BMX: variants seen among roughly 807,000 people sequenced by gnomAD.
BMX encodes the protein cytoplasmic tyrosine-protein kinase BMX.
In BMX, 31 loss-of-function variants were observed where a neutral mutation model predicts 59.2. The observed-to-expected ratio is 0.52, with a 90% CI of 0.39 to 0.71. BMX has a LOEUF of 0.71. Ranked by LOEUF, BMX falls within the 30% of genes least tolerant of loss-of-function variation. The pLI is 0.00. For missense variants in BMX, 474 were observed against 491.7 expected, an observed-to-expected ratio of 0.96 and a Z score of 0.34; for synonymous variants, 185 against 181.0, an observed-to-expected ratio of 1.02 and a Z score of -0.18.
intron 7 of BMX, among the ~76,000 whole-genome samples, chrX:15,524,733 C>G (rs775492861): frequency 9.0e-6 from 1 of 111,598 alleles, no homozygotes; most frequent in South Asian, 3.8e-4. Context: ...GAAATAGGTT[C>G]CACATTCCAG....
At chrX:15,507,152 C>T (rs1309422701) in intron 1 of BMX, among the ~76,000 whole-genome samples, 4 of 113,020 alleles carry the variant, frequency 3.5e-5, no homozygotes, top group African/African-American at 1.3e-4. Flanking sequence ...ATCATACTCC[C>T]AGGCCAGTGA....
At chrX:15,504,391 A>C (rs968019805) in intron 1 of BMX, among the ~76,000 whole-genome samples, 10 of 111,850 alleles carry the variant, frequency 8.9e-5, no homozygotes, top group Non-Finnish European at 1.7e-4. Flanking sequence ...CACAGTTTAC[A>C]AATGACAGTT....
chrX:15,504,797 AT>A (rs906941459), intron 1 of BMX, among the ~76,000 whole-genome samples: 5 of 111,760 alleles, frequency 4.5e-5, no homozygotes, highest in Non-Finnish European at 9.4e-5. Context: ...TTCTAGTTTC[AT>A]CTGTTTATGG....
intron 14 of BMX, among the ~76,000 whole-genome samples, chrX:15,538,201 TTC>T (rs972950205): frequency 6.6e-5 from 7 of 105,564 alleles, no homozygotes; most frequent in Non-Finnish European, 1.2e-4. Flanking sequence ...CTCTCTCTCC[TTC>T]TCTCTCTCTC....
chrX:15,509,229 C>A (rs1343154771), intron 2 of BMX, 100 bp from the exon 3 acceptor site: 3 of 87,228 alleles, frequency 3.4e-5, no homozygotes, highest in Non-Finnish European at 6.9e-5. Flanking sequence ...GCCCACCCCC[C>A]ACCCCAATCT....
Position 15,522,708 on chromosome X carries a change from A to T in BMX, c.752+121A>T, listed in dbSNP as rs776515540. 189 of 1,025,657 alleles carry T rather than the reference A, an allele frequency of 1.8e-4. No individual in the cohort carries two copies. The African/African-American group carries it at 3.3e-3, about 18-fold the overall frequency. 84.5% of individuals were successfully genotyped at this position (1,025,657 alleles called of 1,213,427 possible). On this transcript the variant is annotated intron_variant, in intron 7 of 18. Transcript: ENST00000348343. ...TAGGCTGTCCTCTCAGAAAATGTTC[A>T]GTGCTTGAGCCAGAAGTCTGGGGAA...
chrX:15,546,636 A>C (rs780025428), intron 16 of BMX, among the ~76,000 whole-genome samples, 167 bp from the exon 17 acceptor site: 1 of 111,620 alleles, frequency 9.0e-6, no homozygotes, highest in Non-Finnish European at 1.9e-5. Context: ...ATTATCTTTT[A>C]AATGCTTACA....
chrX:15,536,223 C>T (rs1925333653), intron 12 of BMX, 130 bp from the exon 13 acceptor site: 1 of 579,741 alleles, frequency 1.7e-6, no homozygotes, highest in Non-Finnish European at 2.7e-6. Flanking sequence ...GATTCTCTCT[C>T]TGCATTACAA....
At chrX:15,506,547 C>T (rs1923749785) in intron 1 of BMX, among the ~76,000 whole-genome samples, 1 of 112,178 alleles carries the variant, frequency 8.9e-6, no homozygotes, top group Non-Finnish European at 1.9e-5. Context: ...CCAAAGGAGG[C>T]TTTCACTCAA....
At chrX:15,543,484 G>A (rs1925797422) in intron 16 of BMX, among the ~76,000 whole-genome samples, 1 of 111,076 alleles carries the variant, frequency 9.0e-6, no homozygotes, top group Non-Finnish European at 1.9e-5. Context: ...TACATGTGAT[G>A]TTTTGATACA....
intron 5 of BMX, 109 bp downstream of exon 5, chrX:15,516,340 G>T (rs1457354834): frequency 2.0e-6 from 2 of 1,021,554 alleles, no homozygotes; most frequent in Non-Finnish European, 1.3e-6. Context: ...GTGCCAGATT[G>T]GTTGGCATCA....
intron 1 of BMX, 45 bp downstream of exon 1, chrX:15,500,985 G>T: frequency 1.3e-6 from 1 of 752,608 alleles, no homozygotes; most frequent in Non-Finnish European, 1.6e-6. Flanking sequence ...CATACTATGC[G>T]GAAAATAGGT....
At chrX:15,546,766 C>G in intron 16 of BMX, 37 bp from the exon 17 acceptor site, 2 of 1,121,521 alleles carry the variant, frequency 1.8e-6, no homozygotes, top group South Asian at 3.8e-5. Flanking sequence ...TGTACCACCA[C>G]GGCTTAAGGT....
At chrX:15,546,125 A>G (rs769667865) in intron 16 of BMX, among the ~76,000 whole-genome samples, 72 of 112,301 alleles carry the variant, frequency 6.4e-4, no homozygotes, top group Admixed American at 6.1e-3. Flanking sequence ...ACTCCTCAAC[A>G]TTGGGAACAT....
At chrX:15,550,835 G>T (rs138079062) in intron 18 of BMX, among the ~76,000 whole-genome samples, 1 of 111,189 alleles carries the variant, frequency 9.0e-6, no homozygotes, top group African/African-American at 3.3e-5. Context: ...TACAAGAAGC[G>T]CTCAGAGGAA....
At chrX:15,513,674 T>G (rs1351011036) in intron 4 of BMX, among the ~76,000 whole-genome samples, 1 of 111,962 alleles carries the variant, frequency 8.9e-6, no homozygotes, top group Non-Finnish European at 1.9e-5. Context: ...TAGGAGTGTG[T>G]GTCAATTATC....
chrX:15,556,301 CAA>C lies in BMX; in HGVS notation c.*157_*158del, dbSNP rs1028666164. The C allele has an allele frequency of 8.8e-5, 41 of 466,721 alleles. No homozygotes were observed. Among genetic ancestry groups the C allele is most frequent in the Admixed American group, 7.5e-4 (15 of 20,125 alleles). The allele number at this position is 466,721 out of a possible 1,213,427, so 38.5% of individuals were successfully genotyped here. On this transcript the variant is annotated 3_prime_UTR_variant, in exon 19 of 19. Coordinates refer to ENST00000348343, the MANE Select transcript of BMX (RefSeq NM_203281.3). ...ATTTAGAAATGAACAAGGCAGGAAACAAAAGATTCCCTTGAAATTTAGATCAA... is the reference window on the plus strand; with the variant it reads ...ATTTAGAAATGAACAAGGCAGGAAACAAGATTCCCTTGAAATTTAGATCAA...
At chrX:15,504,465 A>C (rs933374489) in intron 1 of BMX, among the ~76,000 whole-genome samples, 1 of 111,302 alleles carries the variant, frequency 9.0e-6, no homozygotes, top group African/African-American at 3.3e-5. Context: ...TTAATTAGTT[A>C]TGCAGCCCAT....
chrX:15,555,165 A>G (rs1166082497), intron 18 of BMX, among the ~76,000 whole-genome samples: 1 of 95,088 alleles, frequency 1.1e-5, no homozygotes, highest in Non-Finnish European at 2.1e-5. Context: ...TGACATCTTT[A>G]TGATACTGAC....
Sources: gnomAD v4.1 joint callset for allele counts (sites outside exome capture counted in the v4.1 genomes callset) on GRCh38, gnomAD v4.1.1 for gene constraint, MANE v1.5 for transcripts, NCBI Gene and HGNC (gene_info 2026-07-23, HGNC 2026-07-21) for gene names.